GABBR2: variants seen among roughly 807,000 people sequenced by gnomAD.
GABBR2 encodes G-protein coupled receptor 51.
In GABBR2, 23 loss-of-function variants were observed where a neutral mutation model predicts 105.6. The observed-to-expected ratio is 0.22, with a 90% CI of 0.16 to 0.31. The LOEUF is 0.31. Ranked by LOEUF, GABBR2 falls within the 10% of genes least tolerant of loss-of-function variation. The pLI is 1.00. For synonymous variants in GABBR2, 478 were observed against 499.7 expected (o/e 0.96, Z 0.58); for missense variants, 734 against 1,245.5 (o/e 0.59, Z 6.18).
At position 98,372,916 on chromosome 9, in the gene GABBR2, C is replaced by T. The variant is rs74696047; in HGVS notation, c.1663-1345G>A. Among the ~76,000 whole-genome samples the T allele has an allele frequency of 1.9e-3, 295 of 152,290 alleles. 2 individuals carry two copies. Among genetic ancestry groups the T allele is most frequent in the Admixed American group, 7.3e-3 (111 of 15,300 alleles). On this transcript the variant is annotated intron_variant, in intron 11 of 18. Coordinates refer to ENST00000259455, the MANE Select transcript of GABBR2 (RefSeq NM_005458.8). Reference sequence around the variant, plus strand: ...AACACAGGCCTGTGAACCATGAATGCTGTGAGGGTACAGGTGGGTGCTTAG... The same window carrying T: ...AACACAGGCCTGTGAACCATGAATGTTGTGAGGGTACAGGTGGGTGCTTAG...
At chr9:98,665,581 C>A (rs1286195610) in intron 1 of GABBR2, among the ~76,000 whole-genome samples, 1 of 152,166 alleles carries the variant, frequency 6.6e-6, no homozygotes, top group Non-Finnish European at 1.5e-5. Context: ...GGGAAAAAAA[C>A]ACCATGTGGA....
chr9:98,368,188 C>T (rs114085989), intron 12 of GABBR2, among the ~76,000 whole-genome samples: 3,087 of 152,088 alleles, frequency 0.02, 46 homozygotes, highest in African/African-American at 0.031. Flanking sequence ...TGATGTCCAC[C>T]TCTGTCACCT....
chr9:98,472,126 G>T (rs1248477990), intron 6 of GABBR2, among the ~76,000 whole-genome samples: 5 of 151,914 alleles, frequency 3.3e-5, no homozygotes, highest in Non-Finnish European at 7.4e-5. Context: ...ATAAAATTTG[G>T]TCTGTAAGAA....
intron 2 of GABBR2, among the ~76,000 whole-genome samples, chr9:98,542,301 G>A (rs1034422853): frequency 3.3e-5 from 5 of 152,152 alleles, no homozygotes; most frequent in Non-Finnish European, 5.9e-5. Context: ...TCATGTTATC[G>A]TCTATTCCTT....
At chr9:98,570,261 G>A (rs570107207) in intron 2 of GABBR2, among the ~76,000 whole-genome samples, 6 of 152,186 alleles carry the variant, frequency 3.9e-5, no homozygotes, top group African/African-American at 7.2e-5. Context: ...GTGGGCTGTC[G>A]AGGGGCGGCT....
chr9:98,504,726 C>T (rs1422978147), intron 3 of GABBR2, among the ~76,000 whole-genome samples: 3 of 152,178 alleles, frequency 2.0e-5, no homozygotes, highest in Non-Finnish European at 4.4e-5. Context: ...TGTGTCTTCA[C>T]TTGATTAAAC....
chr9:98,374,733 T>C (rs1209355991), intron 11 of GABBR2, among the ~76,000 whole-genome samples: 1 of 152,236 alleles, frequency 6.6e-6, no homozygotes, highest in Non-Finnish European at 1.5e-5. Context: ...GCTCCTCCGC[T>C]GTGATAGGGC....
intron 13 of GABBR2, among the ~76,000 whole-genome samples, chr9:98,346,826 T>C (rs1831311121): frequency 6.6e-6 from 1 of 152,144 alleles, no homozygotes; most frequent in Admixed American, 6.5e-5. Flanking sequence ...TGAGAACACA[T>C]GGTATTTATC....
chr9:98,535,786 T>A (rs1418624217), intron 3 of GABBR2, among the ~76,000 whole-genome samples: 1 of 152,206 alleles, frequency 6.6e-6, no homozygotes, highest in Non-Finnish European at 1.5e-5. Flanking sequence ...CTGAAAAGGC[T>A]ACATTCCGTA....
intron 13 of GABBR2, among the ~76,000 whole-genome samples, chr9:98,335,620 T>C (rs1225434727): frequency 6.6e-6 from 1 of 152,196 alleles, no homozygotes; most frequent in Non-Finnish European, 1.5e-5. Context: ...CTGGGTGATG[T>C]AGCAGGATTG....
chr9:98,536,209 C>G (rs1045118322), intron 3 of GABBR2, among the ~76,000 whole-genome samples: 1 of 152,138 alleles, frequency 6.6e-6, no homozygotes, highest in Non-Finnish European at 1.5e-5. Flanking sequence ...GACCATGTCC[C>G]TGGGAGTGGC....
chr9:98,555,020 T>G lies in GABBR2; in HGVS notation c.460-12977A>C, dbSNP rs574470259. ...TTGGGAACTTCAGTCTCCTCCTCTG[T>G]AAATGGACTGGGGTCAGACAGGCAC... On this transcript the variant is annotated intron_variant, in intron 2 of 18. Coordinates refer to ENST00000259455, the MANE Select transcript of GABBR2 (RefSeq NM_005458.8). Among the ~76,000 whole-genome samples the G allele has an allele frequency of 1.1e-4, 16 of 152,280 alleles. No homozygotes were observed. The East Asian group carries it at 3.1e-3, about 29-fold the overall frequency.
At chr9:98,464,988 C>A (rs558285562) in intron 6 of GABBR2, among the ~76,000 whole-genome samples, 1 of 151,894 alleles carries the variant, frequency 6.6e-6, no homozygotes, top group African/African-American at 2.4e-5. Flanking sequence ...GGCCGAAGGC[C>A]GCAGGGACCT....
intron 12 of GABBR2, among the ~76,000 whole-genome samples, chr9:98,366,102 T>G (rs1831671537): frequency 6.6e-6 from 1 of 152,208 alleles, no homozygotes; most frequent in East Asian, 1.9e-4. Context: ...TGTGTGATCT[T>G]GGGTAATTCC....
intron 17 of GABBR2, 109 bp from the exon 18 acceptor site, chr9:98,294,011 C>G: frequency 1.3e-6 from 1 of 741,834 alleles, no homozygotes. Flanking sequence ...TGCAAAAGAG[C>G]CCATTATCCC....
At chr9:98,444,240 A>G (rs1407946497) in intron 7 of GABBR2, among the ~76,000 whole-genome samples, 2 of 152,220 alleles carry the variant, frequency 1.3e-5, no homozygotes, top group Non-Finnish European at 2.9e-5. Flanking sequence ...ACAATAAATA[A>G]GTAAAATATG....
intron 6 of GABBR2, among the ~76,000 whole-genome samples, chr9:98,461,299 T>C (rs2131613237): frequency 6.6e-6 from 1 of 152,336 alleles, no homozygotes; most frequent in East Asian, 1.9e-4. Context: ...ATTAAGGATT[T>C]ATACTACAAA....
intron 7 of GABBR2, among the ~76,000 whole-genome samples, chr9:98,414,994 T>G (rs955002354): frequency 2.0e-5 from 3 of 152,182 alleles, no homozygotes; most frequent in African/African-American, 7.2e-5. Flanking sequence ...AATAAAATTT[T>G]ACTGTGTTAG....
At chr9:98,643,924 T>C (rs1415370909) in intron 1 of GABBR2, among the ~76,000 whole-genome samples, 1 of 152,150 alleles carries the variant, frequency 6.6e-6, no homozygotes, top group Admixed American at 6.5e-5. Flanking sequence ...CAAGTCCTGG[T>C]GACACTGCCT....
Sources: gnomAD v4.1 joint callset for allele counts (sites outside exome capture counted in the v4.1 genomes callset) on GRCh38, gnomAD v4.1.1 for gene constraint, MANE v1.5 for transcripts, NCBI Gene and HGNC (gene_info 2026-07-23, HGNC 2026-07-21) for gene names.